Variants in OTOGL observed in about 807,000 individuals in gnomAD.
The protein encoded by OTOGL is otogelin-like protein.
In OTOGL, 285 loss-of-function variants were observed where a neutral mutation model predicts 318.5. That is an observed-to-expected ratio of 0.89 (90% CI 0.81 to 0.99). The LOEUF (loss-of-function observed/expected upper bound fraction) is 0.99, where lower values mean the gene tolerates loss of function less well. Ranked by LOEUF, OTOGL falls within the 50% of genes least tolerant of loss-of-function variation. The pLI is 0.00. For synonymous variants in OTOGL, 987 were observed against 936.5 expected (o/e 1.05, Z -0.99); for missense variants, 2,899 against 2,845.6 (o/e 1.02, Z -0.43).
intron 1 of OTOGL, among the ~76,000 whole-genome samples, chr12:80,200,681 G>A (rs1876394099): frequency 6.6e-6 from 1 of 152,154 alleles, no homozygotes; most frequent in Admixed American, 6.5e-5. Flanking sequence ...GCAAGAAGAG[G>A]CTTTGGTAAC....
intron 26 of OTOGL, 31 bp from the exon 27 acceptor site, chr12:80,296,796 T>C (rs1452902203): frequency 1.5e-6 from 2 of 1,366,806 alleles, no homozygotes; most frequent in African/African-American, 2.9e-5. Context: ...TTGTATATAT[T>C]TGTATTAATA....
chr12:80,169,742 T>G (rs902658309), intron 1 of OTOGL, among the ~76,000 whole-genome samples: 1 of 152,214 alleles, frequency 6.6e-6, no homozygotes, highest in Non-Finnish European at 1.5e-5. Context: ...AGCTTTGCCT[T>G]TTCCAGAACA....
intron 1 of OTOGL, among the ~76,000 whole-genome samples, chr12:80,204,704 C>A (rs180769483): frequency 3.6e-4 from 54 of 151,988 alleles, no homozygotes; most frequent in Admixed American, 8.5e-4. Flanking sequence ...AAATAGTCAA[C>A]CATGTAAATG....
intron 35 of OTOGL, among the ~76,000 whole-genome samples, chr12:80,326,892 T>C (rs1887708828): frequency 6.6e-6 from 1 of 152,214 alleles, no homozygotes; most frequent in Non-Finnish European, 1.5e-5. Context: ...CTGAGCAGCA[T>C]TTACCTTTAG....
In OTOGL at chr12:80,335,949, T is replaced by C. The variant is rs754200465; in HGVS notation, c.4423-14T>C. On this transcript the variant is annotated splice_polypyrimidine_tract_variant and intron_variant, in intron 38 of 58. Coordinates refer to ENST00000547103, the MANE Select transcript of OTOGL (RefSeq NM_001378609.3). ...TGAGAATGAAAAAACCCACTAATCT[T>C]TTTTTATTAACAGCCTCAGAAATTT... 1 of 1,498,446 alleles carries C rather than the reference T, an allele frequency of 6.7e-7. No individual in the cohort carries two copies. The highest frequency in any genetic ancestry group is 1.3e-5 in the South Asian group (1 of 74,974). 92.8% of individuals were successfully genotyped at this position (1,498,446 alleles called of 1,614,324 possible). A position where few individuals can be genotyped will look rare whatever the true frequency, so the allele number is the denominator to read the frequency against.
chr12:80,181,193 C>G (rs989540612), intron 1 of OTOGL, among the ~76,000 whole-genome samples: 6 of 151,492 alleles, frequency 4.0e-5, no homozygotes, highest in Non-Finnish European at 5.9e-5. Flanking sequence ...AACCAATTAG[C>G]ATACTTTTTT....
chr12:80,314,660 C>T (rs1886859432), intron 32 of OTOGL, among the ~76,000 whole-genome samples: 1 of 151,986 alleles, frequency 6.6e-6, no homozygotes, highest in African/African-American at 2.4e-5. Flanking sequence ...CAAATGCATA[C>T]CTTTACCATT....
intron 1 of OTOGL, among the ~76,000 whole-genome samples, chr12:80,142,314 G>A (rs1249511837): frequency 6.6e-6 from 1 of 152,110 alleles, no homozygotes; most frequent in African/African-American, 2.4e-5. Context: ...CACGTGTCTA[G>A]CGGTTATTGT....
intron 1 of OTOGL, among the ~76,000 whole-genome samples, chr12:80,155,695 C>T (rs1384591818): frequency 6.6e-6 from 1 of 152,196 alleles, no homozygotes; most frequent in East Asian, 1.9e-4. Flanking sequence ...GTTGTGCTAT[C>T]ACATACTAGG....
chr12:80,176,850 C>A (rs764523072), intron 1 of OTOGL, among the ~76,000 whole-genome samples: 2 of 151,972 alleles, frequency 1.3e-5, no homozygotes, highest in African/African-American at 4.8e-5. Context: ...TACCATTTTA[C>A]GTTCTTATAA....
intron 44 of OTOGL, among the ~76,000 whole-genome samples, chr12:80,343,004 C>G (rs1330294400): frequency 1.3e-5 from 2 of 152,158 alleles, no homozygotes; most frequent in Non-Finnish European, 2.9e-5. Context: ...GCCTCAGCCT[C>G]CCGAGTAGCT....
intron 1 of OTOGL, among the ~76,000 whole-genome samples, chr12:80,193,055 T>C (rs1565894902): frequency 6.6e-6 from 1 of 151,968 alleles, no homozygotes; most frequent in Non-Finnish European, 1.5e-5. Flanking sequence ...ATTTGGAACA[T>C]TGAACATCTA....
At chr12:80,262,372 G>T (rs924140010) in intron 19 of OTOGL, among the ~76,000 whole-genome samples, 4 of 151,654 alleles carry the variant, frequency 2.6e-5, no homozygotes, top group African/African-American at 9.7e-5. Flanking sequence ...TCCCTTGTTT[G>T]CAGATGTGGA....
rs771654562 is a variant in OTOGL, at chr12:80,253,471, G to A, written c.1291G>A (p.Val431Ile). The change falls in exon 14 of 59, where the codon GTA becomes ATA. Residue 431 changes from valine to isoleucine, a missense_variant. Transcript: ENST00000547103. ...LDGCYCPDGL[V>I]MDNGTCISLE... ...GTGTATTTCTTCTCAATTAGGCCTCGTAATGGACAATGGGACTTGCATCTC... is the reference window on the plus strand; with the variant it reads ...GTGTATTTCTTCTCAATTAGGCCTCATAATGGACAATGGGACTTGCATCTC... The A allele has an allele frequency of 9.3e-6, 15 of 1,611,420 alleles. No individual in the cohort carries two copies. The highest frequency in any genetic ancestry group is 8.3e-5 in the Admixed American group (5 of 59,912).
At chr12:80,189,732 T>A (rs1875544337) in intron 1 of OTOGL, among the ~76,000 whole-genome samples, 1 of 152,180 alleles carries the variant, frequency 6.6e-6, no homozygotes, top group Non-Finnish European at 1.5e-5. Flanking sequence ...TGAGAATGAC[T>A]ATTTGATGCA....
At position 80,252,196 on chromosome 12, in the gene OTOGL, C is replaced by T. The variant is rs760215748; in HGVS notation, c.1280C>T (p.Pro427Leu). The T allele has an allele frequency of 1.1e-5, 18 of 1,598,464 alleles. No homozygotes were observed. In the South Asian group the frequency reaches 2.0e-4, roughly 18 times the overall value. ...NLHCLDGCYC[P>L]DGLVMDNGTC... ...CATTGTCTTGATGGATGTTACTGCC[C>T]AGATGGTAAGTGCTTCATGAAGAAA... Residue 427 changes from proline to leucine, a missense_variant, in exon 13 of 59, where the codon CCA becomes CTA. Physicochemically the swap from Pro to Leu is moderately conservative, Grantham distance 98. This residue lies in a region of OTOGL where 2,607 missense variants were observed against 2,524.9 expected (regional missense o/e 1.03). Coordinates refer to ENST00000547103, the MANE Select transcript of OTOGL (RefSeq NM_001378609.3).
At chr12:80,253,677 C>T (rs1383106053) in intron 14 of OTOGL, 103 bp downstream of exon 14, 1 of 865,818 alleles carries the variant, frequency 1.2e-6, no homozygotes, top group East Asian at 2.7e-5. Context: ...AATTTACTTC[C>T]CAAATTCCAA....
At chr12:80,106,975 C>T (rs1054630181) in intron 1 of OTOGL, among the ~76,000 whole-genome samples, 1 of 151,680 alleles carries the variant, frequency 6.6e-6, no homozygotes, top group African/African-American at 2.4e-5. Context: ...AAAGAGTTTA[C>T]ATGTACCAAA....
chr12:80,244,964 T>C (rs1372988407), intron 11 of OTOGL, among the ~76,000 whole-genome samples: 1 of 149,052 alleles, frequency 6.7e-6, no homozygotes, highest in Non-Finnish European at 1.5e-5. Context: ...ATAAATGTCT[T>C]CTTTTGAGAA....
Sources: gnomAD v4.1 joint callset for allele counts (sites outside exome capture counted in the v4.1 genomes callset) on GRCh38, gnomAD v4.1.1 for gene constraint, gnomAD v4.1.1 regional missense constraint, MANE v1.5 for transcripts, NCBI Gene and HGNC (gene_info 2026-07-23, HGNC 2026-07-21) for gene names.